FAM135B: variants seen among roughly 807,000 people sequenced by gnomAD.
The protein encoded by FAM135B is protein FAM135B.
In FAM135B, 43 loss-of-function variants were observed where a neutral mutation model predicts 127.7. The observed-to-expected ratio is 0.34, with a 90% CI of 0.26 to 0.43. The LOEUF (loss-of-function observed/expected upper bound fraction) is 0.43, where lower values mean the gene tolerates loss of function less well. Ranked by LOEUF, FAM135B falls within the 20% of genes least tolerant of loss-of-function variation. The pLI is 1.00. For synonymous variants in FAM135B, 670 were observed against 665.1 expected (o/e 1.01, Z -0.11); for missense variants, 1,558 against 1,725.6 (o/e 0.90, Z 1.72).
intron 3 of FAM135B, among the ~76,000 whole-genome samples, chr8:138,287,958 T>G (rs1824825641): frequency 6.6e-6 from 1 of 152,232 alleles, no homozygotes; most frequent in South Asian, 2.1e-4. Flanking sequence ...CATTATGTCT[T>G]TAGCCTTATT....
At chr8:138,256,557 C>T in intron 5 of FAM135B, 132 bp downstream of exon 5, 1 of 727,808 alleles carries the variant, frequency 1.4e-6, no homozygotes, top group Non-Finnish European at 2.4e-6. Flanking sequence ...GAGTCAGGGA[C>T]ATTGCAGCTT....
chr8:138,398,146 C>CT (rs139919862), intron 1 of FAM135B, among the ~76,000 whole-genome samples: 74 of 152,274 alleles, frequency 4.9e-4, no homozygotes, highest in Non-Finnish European at 1.0e-3. Flanking sequence ...AGCTGCTTCA[C>CT]GCCTTCTGTA....
intron 1 of FAM135B, among the ~76,000 whole-genome samples, chr8:138,427,195 G>A (rs146120463): frequency 1.1e-4 from 16 of 151,280 alleles, no homozygotes; most frequent in Non-Finnish European, 2.2e-4. Flanking sequence ...GGGAGTTTTG[G>A]GGGTGTAGGT....
At chr8:138,491,116 T>C (rs570919200) in intron 1 of FAM135B, among the ~76,000 whole-genome samples, 28 of 123,766 alleles carry the variant, frequency 2.3e-4, no homozygotes, top group African/African-American at 8.9e-4. Flanking sequence ...ACTCCCAGCC[T>C]AGGCAACAAG....
At chr8:138,187,880 G>C (rs533688515) in intron 9 of FAM135B, among the ~76,000 whole-genome samples, 2 of 152,286 alleles carry the variant, frequency 1.3e-5, no homozygotes, top group South Asian at 4.1e-4. Flanking sequence ...AGAAAGGAGA[G>C]GGGCTGGGGA....
intron 12 of FAM135B, among the ~76,000 whole-genome samples, chr8:138,158,895 G>T (rs1819056928): frequency 6.6e-6 from 1 of 152,132 alleles, no homozygotes; most frequent in Admixed American, 6.5e-5. Flanking sequence ...GATTCCTCAA[G>T]GATCTAGAAC....
intron 7 of FAM135B, among the ~76,000 whole-genome samples, chr8:138,213,372 G>A (rs533950197): frequency 2.6e-5 from 4 of 152,200 alleles, no homozygotes; most frequent in South Asian, 2.1e-4. Flanking sequence ...TATTAATATC[G>A]TTATAATGCC....
intron 3 of FAM135B, among the ~76,000 whole-genome samples, chr8:138,277,416 G>A (rs1009103464): frequency 6.6e-6 from 1 of 152,178 alleles, no homozygotes; most frequent in Admixed American, 6.5e-5. Flanking sequence ...AGGCCAATGG[G>A]TGACCTGGTT....
At chr8:138,209,473 A>G (rs1817968657) in intron 7 of FAM135B, among the ~76,000 whole-genome samples, 1 of 152,178 alleles carries the variant, frequency 6.6e-6, no homozygotes, top group Non-Finnish European at 1.5e-5. Context: ...GTAAAATAAC[A>G]AAGTGCAGGG....
chr8:138,275,807 A>T (rs1480996001), intron 3 of FAM135B, among the ~76,000 whole-genome samples: 1 of 152,174 alleles, frequency 6.6e-6, no homozygotes, highest in East Asian at 1.9e-4. Flanking sequence ...CTAAATGATG[A>T]GTGTGGGAGC....
chr8:138,234,762 T>C (rs2130259469), intron 7 of FAM135B, among the ~76,000 whole-genome samples: 1 of 152,360 alleles, frequency 6.6e-6, no homozygotes, highest in Admixed American at 6.5e-5. Flanking sequence ...TGAGTGTTAG[T>C]AAAGCCTGGG....
chr8:138,397,040 G>A (rs1832891098), intron 1 of FAM135B, among the ~76,000 whole-genome samples: 1 of 152,174 alleles, frequency 6.6e-6, no homozygotes, highest in African/African-American at 2.4e-5. Flanking sequence ...AGCCAGGTGT[G>A]CATCCCTCAG....
intron 7 of FAM135B, among the ~76,000 whole-genome samples, chr8:138,203,175 C>T (rs1817279685): frequency 6.6e-6 from 1 of 152,220 alleles, no homozygotes; most frequent in South Asian, 2.1e-4. Flanking sequence ...TTCCTTTATG[C>T]AAATGTCTCT....
intron 7 of FAM135B, among the ~76,000 whole-genome samples, chr8:138,226,940 G>C (rs558250122): frequency 1.3e-5 from 2 of 152,224 alleles, no homozygotes; most frequent in South Asian, 2.1e-4. Flanking sequence ...CAAATGATCT[G>C]CCTGCTTCAG....
intron 2 of FAM135B, among the ~76,000 whole-genome samples, chr8:138,315,073 G>T (rs925997068): frequency 3.3e-5 from 5 of 151,892 alleles, no homozygotes; most frequent in East Asian, 3.9e-4. Context: ...TCTGATAAGG[G>T]ATTAGTATTC....
chr8:138,376,236 C>T (rs1262667042), intron 1 of FAM135B, among the ~76,000 whole-genome samples: 1 of 152,140 alleles, frequency 6.6e-6, no homozygotes, highest in Non-Finnish European at 1.5e-5. Context: ...AACCATTGCA[C>T]CTGGCCCAGG....
chr8:138,426,014 C>CATATATATATATAT (rs1563992474), intron 1 of FAM135B, among the ~76,000 whole-genome samples: 28 of 55,200 alleles, frequency 5.1e-4, no homozygotes, highest in African/African-American at 1.1e-3. Context: ...TATATATATA[C>CATATATATATATAT]ACACACATAC....
intron 2 of FAM135B, among the ~76,000 whole-genome samples, chr8:138,362,059 A>G (rs918139115): frequency 2.0e-5 from 3 of 152,164 alleles, no homozygotes; most frequent in South Asian, 2.1e-4. Context: ...CATGCAACGC[A>G]TAATAATCAC....
intron 6 of FAM135B, among the ~76,000 whole-genome samples, chr8:138,245,420 C>A (rs553763130): frequency 1.3e-5 from 2 of 152,056 alleles, no homozygotes; most frequent in Non-Finnish European, 2.9e-5. Context: ...GGGTGGTTAC[C>A]TCCATGCTGT....
Sources: allele counts gnomAD v4.1 joint callset (sites outside exome capture counted in the v4.1 genomes callset), GRCh38; gene constraint gnomAD v4.1.1; transcripts MANE v1.5; gene names NCBI Gene and HGNC (gene_info 2026-07-23, HGNC 2026-07-21).